Variants in MYO18B observed in about 807,000 individuals in gnomAD.
The protein encoded by MYO18B is unconventional myosin-XVIIIb.
A neutral mutation model predicts 273.0 loss-of-function variants in MYO18B; 204 were observed. That is an observed-to-expected ratio of 0.75 (90% CI 0.67 to 0.84). MYO18B has a LOEUF of 0.84. MYO18B is among the 40% of genes least tolerant of loss of function. The pLI, the probability that MYO18B is intolerant of heterozygous loss-of-function variation, is 0.00. For synonymous variants in MYO18B, 1,330 were observed against 1,305.7 expected (o/e 1.02, Z -0.40); for missense variants, 3,212 against 3,287.6 (o/e 0.98, Z 0.56).
chr22:25,937,695 C>T (rs1201700366), intron 34 of MYO18B, among the ~76,000 whole-genome samples: 1 of 151,830 alleles, frequency 6.6e-6, no homozygotes, highest in Non-Finnish European at 1.5e-5. Context: ...AAGCGATTCT[C>T]CTGCCTCAGC....
At chr22:25,873,651 G>T (rs1449587248) in intron 22 of MYO18B, among the ~76,000 whole-genome samples, 3 of 152,102 alleles carry the variant, frequency 2.0e-5, no homozygotes, top group Admixed American at 2.0e-4. Flanking sequence ...TGTTGGTCAG[G>T]CTGGTCTCGA....
At chr22:25,755,674 A>G (rs1438246981) in intron 1 of MYO18B, among the ~76,000 whole-genome samples, 1 of 152,140 alleles carries the variant, frequency 6.6e-6, no homozygotes, top group African/African-American at 2.4e-5. Flanking sequence ...CCCTGGGTTA[A>G]TCAGCGAGTT....
chr22:25,831,290 C>T (rs2089697817), intron 15 of MYO18B, among the ~76,000 whole-genome samples: 1 of 152,190 alleles, frequency 6.6e-6, no homozygotes, highest in African/African-American at 2.4e-5. Flanking sequence ...CTCCTATAGA[C>T]ATCAGGGTAG....
intron 1 of MYO18B, among the ~76,000 whole-genome samples, chr22:25,753,951 C>T (rs138310361): frequency 6.6e-6 from 1 of 152,198 alleles, no homozygotes; most frequent in East Asian, 1.9e-4. Flanking sequence ...GTTGCCCAGG[C>T]TCTTTTGGAA....
At position 26,027,129 on chromosome 22, in the gene MYO18B, G is replaced by T. The variant is rs750215943; in HGVS notation, c.7155G>T (p.Arg2385=). Residue 2385 remains arginine, a synonymous_variant, in exon 43 of 44, where the codon CGG becomes CGT. Coordinates refer to ENST00000335473, the MANE Select transcript of MYO18B (RefSeq NM_032608.7). This position sits in a 1 kb window ranked among gnomAD's most constrained non-coding sequence, Gnocchi z 4.1. The part of the protein sequence containing the change: ...LLSPTLRPRR[R]CLESSVDDAG... ...CGCCCACACTGCGTCCTCGGAGGCGGTGTCTGGAGTCCTCTGTGGACGATG... is the reference window on the plus strand; with the variant it reads ...CGCCCACACTGCGTCCTCGGAGGCGTTGTCTGGAGTCCTCTGTGGACGATG... The T allele has an allele frequency of 3.7e-6, 6 of 1,614,036 alleles. No individual in the cohort carries two copies. In the South Asian group the frequency reaches 6.6e-5, roughly 18 times the overall value.
At chr22:25,807,396 A>G (rs2088527865) in intron 12 of MYO18B, among the ~76,000 whole-genome samples, 2 of 152,256 alleles carry the variant, frequency 1.3e-5, no homozygotes, top group Non-Finnish European at 2.9e-5. Flanking sequence ...TGAAGGAATC[A>G]GCCCCAAAGC....
intron 34 of MYO18B, among the ~76,000 whole-genome samples, chr22:25,944,915 G>T (rs2092687317): frequency 6.6e-6 from 1 of 151,934 alleles, no homozygotes; most frequent in Non-Finnish European, 1.5e-5. Context: ...ATGGATTTAG[G>T]GTATGTGCAT....
chr22:25,856,006 A>G lies in MYO18B; in HGVS notation c.3885+4427A>G, dbSNP rs143866770. Among the ~76,000 whole-genome samples the G allele has an allele frequency of 7.6e-3, 1,151 of 152,232 alleles. 18 individuals are homozygous for G. The highest frequency in any genetic ancestry group is 0.01 in the Middle Eastern group (3 of 294). On this transcript the variant is annotated intron_variant, in intron 21 of 43. Coordinates refer to ENST00000335473, the MANE Select transcript of MYO18B (RefSeq NM_032608.7). ...ACCCTCCTCCCACTCTTTACCCTCC[A>G]GTAGGCCCTGGTGAGACCCTGCTTT...
At chr22:25,850,246 G>A (rs1047410818) in intron 20 of MYO18B, among the ~76,000 whole-genome samples, 1 of 152,160 alleles carries the variant, frequency 6.6e-6, no homozygotes, top group African/African-American at 2.4e-5. Flanking sequence ...AGTCACTTGG[G>A]GGGTCTTTTT....
chr22:25,865,609 C>T (rs2090863006), intron 21 of MYO18B, among the ~76,000 whole-genome samples: 3 of 152,128 alleles, frequency 2.0e-5, no homozygotes, highest in Admixed American at 6.5e-5. Context: ...AAACAGGTGC[C>T]GTTATTGTCC....
At chr22:25,929,464 A>T (rs958427243) in intron 34 of MYO18B, among the ~76,000 whole-genome samples, 1 of 152,188 alleles carries the variant, frequency 6.6e-6, no homozygotes. Context: ...TGCACAAATA[A>T]CATCTGTGAG....
At chr22:25,836,617 G>A (rs2089908451) in intron 17 of MYO18B, among the ~76,000 whole-genome samples, 1 of 152,058 alleles carries the variant, frequency 6.6e-6, no homozygotes, top group African/African-American at 2.4e-5. Context: ...TCAAAACATG[G>A]TTTGTCTGGA....
chr22:25,921,952 G>A (rs192251986), intron 34 of MYO18B, among the ~76,000 whole-genome samples: 122 of 152,000 alleles, frequency 8.0e-4, no homozygotes, highest in African/African-American at 2.5e-3. Flanking sequence ...TTATACAAAC[G>A]TTGGCAGTTT....
At chr22:25,783,304 G>C (rs1383134204) in intron 10 of MYO18B, among the ~76,000 whole-genome samples, 2 of 152,224 alleles carry the variant, frequency 1.3e-5, no homozygotes, top group Non-Finnish European at 2.9e-5. Context: ...CTGTAAAATG[G>C]GTTCCTACTA....
At chr22:25,903,159 C>CT (rs1392852928) in intron 30 of MYO18B, 11 of 202,170 alleles carry the variant, frequency 5.4e-5, no homozygotes, top group Non-Finnish European at 1.0e-4. Flanking sequence ...AGGAGAACCT[C>CT]TGAGCGCTTT....
chr22:25,817,548 A>AGT (rs1847109986), intron 12 of MYO18B, among the ~76,000 whole-genome samples: 1 of 151,844 alleles, frequency 6.6e-6, no homozygotes, highest in South Asian at 2.1e-4. Flanking sequence ...TTACCAAAGG[A>AGT]GTGACCTGAC....
chr22:25,785,219 T>C (rs2087331150), intron 10 of MYO18B, among the ~76,000 whole-genome samples: 1 of 152,282 alleles, frequency 6.6e-6, no homozygotes, highest in African/African-American at 2.4e-5. Context: ...TCCTGGCCTT[T>C]AGGAAGGGCC....
chr22:25,908,033 C>CAAA (rs35715764), intron 31 of MYO18B, among the ~76,000 whole-genome samples: 12 of 103,914 alleles, frequency 1.2e-4, no homozygotes, highest in Admixed American at 4.1e-4. Flanking sequence ...AACTCCATCT[C>CAAA]AAAAAAAAAA....
intron 22 of MYO18B, among the ~76,000 whole-genome samples, chr22:25,869,991 T>A (rs1430278536): frequency 6.6e-6 from 1 of 152,182 alleles, no homozygotes; most frequent in Non-Finnish European, 1.5e-5. Flanking sequence ...CAACTTCACG[T>A]TTTGTTCTTC....
Sources: allele counts gnomAD v4.1 joint callset (sites outside exome capture counted in the v4.1 genomes callset), GRCh38; gene constraint gnomAD v4.1.1; non-coding constraint Gnocchi (gnomAD v3.1); transcripts MANE v1.5; gene names NCBI Gene and HGNC (gene_info 2026-07-23, HGNC 2026-07-21).